Variants in SLC1A6 observed in about 807,000 individuals in gnomAD.
SLC1A6 encodes the protein solute carrier family 1 member 6, also known as excitatory amino acid transporter 4.
SLC1A6 carries 15 observed loss-of-function variants against 42.1 expected under a neutral mutation model. That is an observed-to-expected ratio of 0.36 (90% confidence interval 0.24 to 0.55). SLC1A6 has a LOEUF of 0.55. Ranked by LOEUF, SLC1A6 falls within the 20% of genes least tolerant of loss-of-function variation. SLC1A6 has a pLI of 0.88. For synonymous variants in SLC1A6, 317 were observed against 319.7 expected (o/e 0.99, Z 0.09); for missense variants, 542 against 772.5 (o/e 0.70, Z 3.54).
rs1303836177 is a variant in SLC1A6 at position 14,968,476 on chromosome 19, C to T, written c.375G>A (p.Gly125=). Residue 125 remains glycine (G), a synonymous_variant, in exon 4 of 10, where the codon GGG becomes GGA. Transcript: ENST00000594383. The part of the protein sequence containing the change: ...GMASLDNKAT[G]RMGMRAAVYY... ...ACACAGCTGCCCGCATCCCCATCCG[C>T]CCCGTGGCCTTGTTGTCCAGGGATG... The T allele has an allele frequency of 3.7e-6, 6 of 1,612,494 alleles. No individual in the cohort carries two copies. Among genetic ancestry groups the T allele is most frequent in the Non-Finnish European group, 5.1e-6 (6 of 1,179,202 alleles).
At chr19:15,008,311 C>T (rs1214354404) in intron 1 of SLC1A6, among the ~76,000 whole-genome samples, 1 of 151,978 alleles carries the variant, frequency 6.6e-6, no homozygotes, top group African/African-American at 2.4e-5. Context: ...CCCCACTGCA[C>T]TCCAGCCTGG....
At chr19:14,980,826 G>A (rs528482241), upstream of SLC1A6, among the ~76,000 whole-genome samples, 3 of 151,884 alleles carry the variant, frequency 2.0e-5, no homozygotes, top group East Asian at 3.9e-4. Flanking sequence ...TCAGGGCGGG[G>A]ACAGGTGCTC....
chr19:15,002,838 T>C (rs2045878095), intron 1 of SLC1A6, among the ~76,000 whole-genome samples: 1 of 152,168 alleles, frequency 6.6e-6, no homozygotes, highest in South Asian at 2.1e-4. Context: ...GAAAAGAAAC[T>C]GGAATTTGTC....
upstream of SLC1A6, among the ~76,000 whole-genome samples, chr19:14,983,809 C>G (rs1398918654): frequency 2.0e-5 from 3 of 150,426 alleles, no homozygotes; most frequent in Non-Finnish European, 4.4e-5. Context: ...AAGCTATGCT[C>G]AGACATAACT....
At chr19:14,987,478 A>T (rs1335997002) in intron 1 of SLC1A6, among the ~76,000 whole-genome samples, 1 of 149,492 alleles carries the variant, frequency 6.7e-6, no homozygotes, top group African/African-American at 2.5e-5. Context: ...GGAAAAAAAA[A>T]ATTTTTTTTA....
intron 1 of SLC1A6, among the ~76,000 whole-genome samples, chr19:14,992,303 T>C (rs539142574): frequency 6.6e-6 from 1 of 152,322 alleles, no homozygotes; most frequent in Non-Finnish European, 1.5e-5. Context: ...CTACCTGATA[T>C]TTTGTATGTG....
chr19:15,010,535 T>C, exon 1 of SLC1A6: 1 of 630,144 alleles, frequency 1.6e-6, no homozygotes, highest in Non-Finnish European at 2.9e-6. Context: ...TAGGACATCC[T>C]AAAGCTGGAA....
At chr19:14,960,734 G>T (rs2045502386) in intron 6 of SLC1A6, among the ~76,000 whole-genome samples, 1 of 152,174 alleles carries the variant, frequency 6.6e-6, no homozygotes, top group Non-Finnish European at 1.5e-5. Flanking sequence ...ACTCACAGAA[G>T]CAGGGAGTAA....
chr19:14,950,061 CT>C lies in SLC1A6; in HGVS notation c.*133del, dbSNP rs1231433782. The C allele has an allele frequency of 3.9e-5, 22 of 557,844 alleles. No homozygotes were observed. The highest frequency in any genetic ancestry group is 4.8e-4 in the Middle Eastern group (1 of 2,094). 34.6% of individuals were successfully genotyped at this position (557,844 alleles called of 1,614,324 possible). ...CTTTCATTCCTGCTCCTTTATTTCA[CT>C]TTTCCCTCCCCCCTAAATGAGTCAA... On this transcript the variant is annotated 3_prime_UTR_variant, in exon 10 of 10. Transcript: ENST00000594383.
chr19:14,958,712 A>C (rs1231608275), intron 6 of SLC1A6, among the ~76,000 whole-genome samples: 1 of 152,086 alleles, frequency 6.6e-6, no homozygotes. Flanking sequence ...CCTCAGCCCA[A>C]GATTAATTGT....
chr19:14,960,346 T>A (rs898012672), intron 6 of SLC1A6, among the ~76,000 whole-genome samples: 1 of 152,188 alleles, frequency 6.6e-6, no homozygotes, highest in African/African-American at 2.4e-5. Context: ...AACAGATGAA[T>A]CCATCAATGA....
At chr19:14,955,436 C>A (rs7251228) in intron 7 of SLC1A6, among the ~76,000 whole-genome samples, 101,361 of 150,766 alleles carry the variant, frequency 0.67, 34,105 homozygotes, top group African/African-American at 0.72. Context: ...ACAACAACAA[C>A]AAAAAAAACT....
rs949746324 is a variant in SLC1A6, at chr19:14,967,576, G to C, written c.548+727C>G. ...TAAAACAGAAATCATAAGACTGATA[G>C]AACAGGCTCTTTGGGGCAATAAGAT... On this transcript the variant is annotated intron_variant, in intron 4 of 9. Coordinates refer to ENST00000594383, the MANE Select transcript of SLC1A6 (RefSeq NM_005071.3). 5.3e-5 allele frequency among the ~76,000 whole-genome samples: 8 copies of C among 152,286 alleles called. No individual in the cohort carries two copies. The South Asian group carries it at 1.0e-3, about 20-fold the overall frequency.
chr19:14,980,655 A>AAC (rs763318954), upstream of SLC1A6, among the ~76,000 whole-genome samples: 1 of 20,924 alleles, frequency 4.8e-5, no homozygotes, highest in African/African-American at 2.0e-4. Flanking sequence ...AGACTCCGTC[A>AAC]AAAAAAAAAA....
chr19:14,996,574 T>TTCTTCTTCC (rs2045848555), intron 1 of SLC1A6, among the ~76,000 whole-genome samples: 1 of 149,906 alleles, frequency 6.7e-6, no homozygotes, highest in Non-Finnish European at 1.5e-5. Context: ...CTTCTTCCTC[T>TTCTTCTTCC]TCTTCTTCTT....
intron 1 of SLC1A6, among the ~76,000 whole-genome samples, chr19:14,998,645 G>A (rs867597900): frequency 1.3e-5 from 2 of 152,088 alleles, no homozygotes; most frequent in African/African-American, 2.4e-5. Flanking sequence ...CTTTAGTATA[G>A]CATCACATGA....
intron 9 of SLC1A6, 29 bp downstream of exon 9, chr19:14,952,899 C>A: frequency 6.2e-7 from 1 of 1,607,538 alleles, no homozygotes; most frequent in Non-Finnish European, 8.5e-7. Flanking sequence ...GAAGCAGGAG[C>A]ACCAGGGTCC....
intron 1 of SLC1A6, among the ~76,000 whole-genome samples, chr19:15,005,533 C>A (rs772098770): frequency 1.1e-4 from 17 of 151,884 alleles, no homozygotes; most frequent in African/African-American, 2.7e-4. Context: ...AACAAAAAAA[C>A]CAGATAACTC....
intron 1 of SLC1A6, chr19:14,973,742 C>A (rs1212267686): frequency 6.6e-6 from 1 of 152,438 alleles, no homozygotes; most frequent in Non-Finnish European, 1.5e-5. Flanking sequence ...CACCCGGAGG[C>A]TAGTCCCCCA....
Sources: allele counts gnomAD v4.1 joint callset (sites outside exome capture counted in the v4.1 genomes callset), GRCh38; gene constraint gnomAD v4.1.1; transcripts MANE v1.5; gene names NCBI Gene and HGNC (gene_info 2026-07-23, HGNC 2026-07-21).